The following HSD17B2 variants were observed in gnomAD, a reference collection of about 807,000 sequenced individuals.
The protein encoded by HSD17B2 is hydroxysteroid 17-beta dehydrogenase 2.
A neutral mutation model predicts 26.9 loss-of-function variants in HSD17B2; 32 were observed. The observed-to-expected ratio is 1.19, with a 90% CI of 0.90 to 1.60. The LOEUF (loss-of-function observed/expected upper bound fraction) is 1.60, where lower values mean the gene tolerates loss of function less well. Among genes scored for constraint, HSD17B2 ranks in the 40% most tolerant of loss-of-function variants. HSD17B2 has a pLI of 0.00. For synonymous variants in HSD17B2, 246 were observed against 186.7 expected, an observed-to-expected ratio of 1.32 and a Z score of -2.59; for missense variants, 613 against 468.6, an observed-to-expected ratio of 1.31 and a Z score of -2.85.
chr16:82,090,802 G>A (rs753907957), intron 3 of HSD17B2, 100 bp from the exon 4 acceptor site: 1 of 1,174,964 alleles, frequency 8.5e-7, no homozygotes, highest in Non-Finnish European at 1.2e-6. Context: ...CCAAGTCACT[G>A]ATACCAGTTC....
At chr16:82,080,628 T>C (rs1301179767) in intron 3 of HSD17B2, among the ~76,000 whole-genome samples, 1 of 152,236 alleles carries the variant, frequency 6.6e-6, no homozygotes, top group African/African-American at 2.4e-5. Context: ...TTACAGCAGC[T>C]GTGGGAAAAT....
At chr16:82,051,986 G>T (rs1299022727) in intron 1 of HSD17B2, among the ~76,000 whole-genome samples, 2 of 152,200 alleles carry the variant, frequency 1.3e-5, no homozygotes, top group Non-Finnish European at 2.9e-5. Flanking sequence ...TCTATCAAGG[G>T]CTCACCATCA....
rs765323013 is a variant in HSD17B2, at chr16:82,098,268, G to C, written c.996G>C (p.Lys332Asn). The C allele has an allele frequency of 4.3e-6, 7 of 1,614,100 alleles. No homozygotes were observed. The highest frequency in any genetic ancestry group is 1.3e-5 in the African/African-American group (1 of 74,946). The stretch of plus-strand genomic sequence containing the variant: ...ACATCCAGCATGCTATCTTGGCGAA[G>C]AGCCCTTTTGCCTATTACACGCCAG... ...LRDIQHAILAKSPFAYYTPGK... is the reference protein window; with the variant it reads ...LRDIQHAILANSPFAYYTPGK... Residue 332 changes from lysine (K) to asparagine (N), a missense_variant, in exon 5 of 5, where the codon AAG becomes AAC. Lys to Asn is a moderately conservative substitution (Grantham distance 94, BLOSUM62 0). Transcript: ENST00000199936.
At position 82,043,480 on chromosome 16, in the gene HSD17B2, GGA is replaced by G. The variant is rs1478700385; in HGVS notation, c.265+7794_265+7795del. ...CGGGCGGATCACGAGGTCAGGAGAT[GGA>G]GACTATCCTGGCTAACACGGTGAAA... On this transcript the variant is annotated intron_variant, in intron 1 of 4. Transcript: ENST00000199936. Among the ~76,000 whole-genome samples, 4 of 125,032 alleles carry G rather than the reference GGA, an allele frequency of 3.2e-5. 1 individual carries two copies. The highest frequency in any genetic ancestry group is 2.4e-4 in the African/African-American group (4 of 16,700). 82.0% of individuals were successfully genotyped at this position (125,032 alleles called of 152,430 possible).
chr16:82,075,796 A>C (rs1016522346), intron 3 of HSD17B2, among the ~76,000 whole-genome samples: 2 of 152,100 alleles, frequency 1.3e-5, no homozygotes, highest in Non-Finnish European at 2.9e-5. Flanking sequence ...TTTAAAGAAG[A>C]ACTAATACCG....
At chr16:82,054,078 C>G (rs954353199) in intron 1 of HSD17B2, among the ~76,000 whole-genome samples, 6 of 152,048 alleles carry the variant, frequency 3.9e-5, no homozygotes, top group African/African-American at 1.4e-4. Flanking sequence ...CCAAGCTTGT[C>G]TTTCTCCAAG....
At chr16:82,096,145 A>G (rs1359326703) in intron 4 of HSD17B2, 4 of 152,216 alleles carry the variant, frequency 2.6e-5, no homozygotes, top group Admixed American at 2.6e-4. Context: ...ATTATATTAA[A>G]ATTACACTTC....
At chr16:82,064,031 C>A (rs1914513848) in intron 1 of HSD17B2, among the ~76,000 whole-genome samples, 1 of 152,122 alleles carries the variant, frequency 6.6e-6, no homozygotes, top group Non-Finnish European at 1.5e-5. Flanking sequence ...AGCTGTTTCC[C>A]AGAACACAAA....
intron 3 of HSD17B2, among the ~76,000 whole-genome samples, chr16:82,076,582 T>C (rs1904303638): frequency 6.6e-6 from 1 of 152,240 alleles, no homozygotes; most frequent in Non-Finnish European, 1.5e-5. Context: ...TAGCATGTAC[T>C]TCTTTTTATT....
intron 3 of HSD17B2, among the ~76,000 whole-genome samples, chr16:82,085,594 C>T (rs1041828558): frequency 6.6e-6 from 1 of 151,838 alleles, no homozygotes; most frequent in Non-Finnish European, 1.5e-5. Flanking sequence ...AAAACCCTAA[C>T]TCTGTTCTGT....
At chr16:82,053,729 T>C (rs1324872494) in intron 1 of HSD17B2, among the ~76,000 whole-genome samples, 1 of 152,186 alleles carries the variant, frequency 6.6e-6, no homozygotes, top group East Asian at 1.9e-4. Context: ...ACTCTGAGAC[T>C]GTGCACAGAG....
chr16:82,070,201 T>C (rs915934732), intron 2 of HSD17B2, among the ~76,000 whole-genome samples: 5 of 152,136 alleles, frequency 3.3e-5, no homozygotes. Context: ...GCTCAGACAC[T>C]GGCTCTACCA....
intron 1 of HSD17B2, among the ~76,000 whole-genome samples, chr16:82,053,146 A>G (rs1914159111): frequency 6.6e-6 from 1 of 152,256 alleles, no homozygotes; most frequent in Admixed American, 6.5e-5. Context: ...AGCACTTATT[A>G]GCTAAAAGTT....
rs111243931 is a variant in HSD17B2, at chr16:82,061,255, C to CA, written c.266-6900dup. On this transcript the variant is annotated intron_variant, in intron 1 of 4. Transcript: ENST00000199936. ...CCTGGGTGACAGAGTGAGACTCTGT[C>CA]AAAAAAAAAAAAAAAGTTACCATTT... is the stretch of plus-strand genomic sequence containing the variant. Among the ~76,000 whole-genome samples the CA allele has an allele frequency of 6.1e-3, 716 of 118,114 alleles. 12 individuals are homozygous for CA. The East Asian group carries it at 0.069, about 11-fold the overall frequency. The allele number at this position is 118,114 out of a possible 152,430, so 77.5% of individuals were successfully genotyped here.
chr16:82,069,876 C>T (rs1331941936), intron 2 of HSD17B2, among the ~76,000 whole-genome samples: 1 of 152,080 alleles, frequency 6.6e-6, no homozygotes, highest in Non-Finnish European at 1.5e-5. Context: ...TCTGAAGCAC[C>T]AGGCCCTGTG....
chr16:82,074,502 A>G (rs1301080121), intron 3 of HSD17B2, among the ~76,000 whole-genome samples: 2 of 152,230 alleles, frequency 1.3e-5, no homozygotes, highest in African/African-American at 4.8e-5. Context: ...TCAAGATAGG[A>G]AAAAGATATT....
At chr16:82,085,523 G>T (rs1340755472) in intron 3 of HSD17B2, among the ~76,000 whole-genome samples, 1 of 152,046 alleles carries the variant, frequency 6.6e-6, no homozygotes, top group Admixed American at 6.6e-5. Flanking sequence ...AGTACTATGT[G>T]CTTTCTACTT....
intron 3 of HSD17B2, among the ~76,000 whole-genome samples, chr16:82,078,351 G>C (rs1904313976): frequency 6.6e-6 from 1 of 152,164 alleles, no homozygotes; most frequent in Middle Eastern, 3.2e-3. Flanking sequence ...TCTCACCCCA[G>C]GTAAAATGGC....
chr16:82,098,307 C>T lies in HSD17B2; in HGVS notation c.1035C>T (p.Tyr345=), dbSNP rs1358701858. The stretch of plus-strand genomic sequence containing the variant: ...ATTACACGCCAGGGAAAGGCGCTTA[C>T]TTGTGGATCTGCCTTGCTCACTATT... ...FAYYTPGKGA[Y]LWICLAHYLP... The change falls in exon 5 of 5, where the codon TAC becomes TAT. Residue 345 remains tyrosine (Y), a synonymous_variant. Transcript: ENST00000199936. The T allele has an allele frequency of 1.9e-6, 3 of 1,614,114 alleles. No individual in the cohort carries two copies. The highest frequency in any genetic ancestry group is 2.5e-6 in the Non-Finnish European group (3 of 1,180,038).
Sources: gnomAD v4.1 joint callset for allele counts (sites outside exome capture counted in the v4.1 genomes callset) on GRCh38, gnomAD v4.1.1 for gene constraint, MANE v1.5 for transcripts, NCBI Gene and HGNC (gene_info 2026-07-23, HGNC 2026-07-21) for gene names.